Variants in FMNL3 observed in about 807,000 individuals in gnomAD.
FMNL3 encodes the protein formin like 3.
FMNL3 carries 57 observed loss-of-function variants against 119.6 expected under a neutral mutation model. That is an observed-to-expected ratio of 0.48 (90% CI 0.39 to 0.59). The LOEUF (loss-of-function observed/expected upper bound fraction) is 0.59, where lower values mean the gene tolerates loss of function less well. Ranked by LOEUF, FMNL3 falls within the 20% of genes least tolerant of loss-of-function variation. The probability of loss-of-function intolerance (pLI) is 0.00; values close to 1 mark genes in which losing one functional copy is unlikely to be tolerated. For synonymous variants in FMNL3, 491 were observed against 507.3 expected (o/e 0.97, Z 0.43); for missense variants, 1,053 against 1,323.5 (o/e 0.80, Z 3.17).
chr12:49,672,050 CTG>C (rs1184734547), intron 1 of FMNL3, among the ~76,000 whole-genome samples: 1 of 152,204 alleles, frequency 6.6e-6, no homozygotes, highest in Non-Finnish European at 1.5e-5. Flanking sequence ...GTCTGGAACA[CTG>C]TGGGTGTTCA....
At chr12:49,689,242 T>C (rs1592688594) in intron 1 of FMNL3, among the ~76,000 whole-genome samples, 2 of 152,246 alleles carry the variant, frequency 1.3e-5, no homozygotes, top group African/African-American at 4.8e-5. Flanking sequence ...GGGTAACACA[T>C]GGGATCATTT....
rs1384216487 is a variant in FMNL3 at position 49,640,313 on chromosome 12, GGA to G, written c.*5500_*5501del. On this transcript the variant is annotated 3_prime_UTR_variant, in exon 26 of 26. Coordinates refer to ENST00000335154, the MANE Select transcript of FMNL3 (RefSeq NM_175736.5). ...TCCAGTCTAGGATGTTTGAAAATCA[GGA>G]GAGATGAAGGATGAGATTGCGAGGG... The G allele has an allele frequency of 6.6e-6, 1 of 152,236 alleles. No individual in the cohort carries two copies. The highest frequency in any genetic ancestry group is 1.5e-5 in the Non-Finnish European group (1 of 68,040). The allele number at this position is 152,236 out of a possible 1,614,324, so 9.4% of individuals were successfully genotyped here. A position where few individuals can be genotyped will look rare whatever the true frequency, so the allele number is the denominator to read the frequency against.
intron 1 of FMNL3, among the ~76,000 whole-genome samples, chr12:49,704,185 G>A (rs975150858): frequency 9.9e-5 from 15 of 152,138 alleles, no homozygotes; most frequent in Non-Finnish European, 1.5e-5. Context: ...ATCAGATTAA[G>A]TAACTTGCTT....
intron 1 of FMNL3, among the ~76,000 whole-genome samples, chr12:49,706,724 C>T (rs2139088230): frequency 6.6e-6 from 1 of 152,244 alleles, no homozygotes; most frequent in South Asian, 2.1e-4. Flanking sequence ...ATGCTAGGGA[C>T]GGGGAGCCTG....
chr12:49,697,772 T>C (rs1944790141), intron 1 of FMNL3, among the ~76,000 whole-genome samples: 3 of 152,140 alleles, frequency 2.0e-5, no homozygotes, highest in South Asian at 4.1e-4. Flanking sequence ...CTCAAAAACC[T>C]GTAGGATAGG....
chr12:49,667,790 A>G (rs1417958658), intron 2 of FMNL3, among the ~76,000 whole-genome samples: 1 of 152,210 alleles, frequency 6.6e-6, no homozygotes, highest in South Asian at 2.1e-4. Flanking sequence ...GGGTAAACAC[A>G]CTACCCACAC....
chr12:49,647,910 G>A lies in FMNL3; in HGVS notation c.2677-106C>T. 2 of 942,700 alleles carry A rather than the reference G, an allele frequency of 2.1e-6. No homozygotes were observed. The highest frequency in any genetic ancestry group is 2.5e-4 in the Middle Eastern group (1 of 3,944). 58.4% of individuals were successfully genotyped at this position (942,700 alleles called of 1,614,324 possible). A position where few individuals can be genotyped will look rare whatever the true frequency, so the allele number is the denominator to read the frequency against. On this transcript the variant is annotated intron_variant, in intron 22 of 25. Coordinates refer to ENST00000335154, the MANE Select transcript of FMNL3 (RefSeq NM_175736.5). The surrounding 1 kb of genome is among the most constrained non-coding windows in gnomAD (Gnocchi z 4.9). ...AAAGCAGAGCCCAGGGCCAAAGGGA[G>A]GAAAACCAAGCACCCAGGCCCCTGT... is the stretch of plus-strand genomic sequence containing the variant.
At chr12:49,648,938 A>G in intron 21 of FMNL3, 91 bp downstream of exon 21, 1 of 1,500,384 alleles carries the variant, frequency 6.7e-7, no homozygotes, top group Non-Finnish European at 8.9e-7. Context: ...GCCAGAAACA[A>G]ATGGACCCAA....
chr12:49,702,660 G>C (rs918149034), intron 1 of FMNL3, among the ~76,000 whole-genome samples: 2 of 151,952 alleles, frequency 1.3e-5, no homozygotes, highest in East Asian at 3.9e-4. Context: ...GCTTCCCCCA[G>C]ACTAAGGCAG....
At chr12:49,675,675 C>A (rs1357503934) in intron 1 of FMNL3, among the ~76,000 whole-genome samples, 2 of 152,220 alleles carry the variant, frequency 1.3e-5, no homozygotes, top group Admixed American at 6.5e-5. Context: ...AAGCTTCTAG[C>A]TGGCATCCCT....
At chr12:49,646,067 T>C (rs1019631367) in intron 25 of FMNL3, among the ~76,000 whole-genome samples, 164 bp from the exon 26 acceptor site, 1 of 152,032 alleles carries the variant, frequency 6.6e-6, no homozygotes, top group African/African-American at 2.4e-5. Context: ...AAATTGCTGG[T>C]TGGGGAGATT....
Position 49,643,033 on chromosome 12 carries a change from A to C in FMNL3, c.*2782T>G. On this transcript the variant is annotated 3_prime_UTR_variant, in exon 26 of 26. Coordinates refer to ENST00000335154, the MANE Select transcript of FMNL3 (RefSeq NM_175736.5). ...TCACCCTCAGTGAGTAAGCGTGTAG[A>C]AGGGACATGGGGTGAAGCTGGGTTG... 6.2e-7 allele frequency: 1 copy of C among 1,612,726 alleles called. No individual in the cohort carries two copies.
chr12:49,663,118 C>T (rs557575798), intron 4 of FMNL3, among the ~76,000 whole-genome samples: 1 of 152,342 alleles, frequency 6.6e-6, no homozygotes, highest in South Asian at 2.1e-4. Flanking sequence ...CTGACTGACA[C>T]CGGAGCTGCC....
intron 1 of FMNL3, among the ~76,000 whole-genome samples, chr12:49,675,407 G>A (rs1360260268): frequency 6.6e-6 from 1 of 152,160 alleles, no homozygotes; most frequent in East Asian, 1.9e-4. Flanking sequence ...GGAGTCTTGG[G>A]GCAGAGCCTC....
chr12:49,675,185 C>CT (rs989945993), intron 1 of FMNL3, among the ~76,000 whole-genome samples: 2 of 152,212 alleles, frequency 1.3e-5, no homozygotes, highest in African/African-American at 4.8e-5. Flanking sequence ...CCTTTCTGGC[C>CT]TGCCCAGTCA....
intron 1 of FMNL3, among the ~76,000 whole-genome samples, chr12:49,693,264 T>C (rs555026574): frequency 6.6e-6 from 1 of 152,268 alleles, no homozygotes; most frequent in South Asian, 2.1e-4. Flanking sequence ...TTGGCTGCAA[T>C]ACAAGCAAGA....
chr12:49,651,147 C>T lies in FMNL3; in HGVS notation c.1797+21G>A, dbSNP rs756275132. 3.1e-6 allele frequency: 5 copies of T among 1,610,318 alleles called. No homozygotes were observed. The East Asian group carries it at 1.1e-4, about 36-fold the overall frequency. On this transcript the variant is annotated intron_variant, in intron 16 of 25. Transcript: ENST00000335154. Reference sequence around the variant, plus strand: ...GTCCCTAGCCCTCAACCTTAGCCCTCTGGACCCCAGGCCCTGTTACCTCCA... The same window carrying T: ...GTCCCTAGCCCTCAACCTTAGCCCTTTGGACCCCAGGCCCTGTTACCTCCA...
chr12:49,665,777 G>T, intron 4 of FMNL3, 55 bp downstream of exon 4: 1 of 1,559,590 alleles, frequency 6.4e-7, no homozygotes, highest in Non-Finnish European at 8.8e-7. Context: ...GACCCTGTGT[G>T]CCCAGCCAGC....
chr12:49,642,917 C>A lies in FMNL3; in HGVS notation c.*2898G>T. ...TGGTGCTGTCCTCACCCTTCTTCCT[C>A]TGCCTCTAGCAGACTGAATGCCAGC... On this transcript the variant is annotated 3_prime_UTR_variant, in exon 26 of 26. Transcript: ENST00000335154. The surrounding 1 kb of genome is among the most constrained non-coding windows in gnomAD (Gnocchi z 5.8). 6.2e-7 allele frequency: 1 copy of A among 1,610,452 alleles called. No homozygotes were observed. Among genetic ancestry groups the A allele is most frequent in the East Asian group, 2.2e-5 (1 of 44,788 alleles).
Sources: gnomAD v4.1 joint callset for allele counts (sites outside exome capture counted in the v4.1 genomes callset) on GRCh38, gnomAD v4.1.1 for gene constraint, Gnocchi (gnomAD v3.1) non-coding constraint, MANE v1.5 for transcripts, NCBI Gene and HGNC (gene_info 2026-07-23, HGNC 2026-07-21) for gene names.